RAPGEF2: variants seen among roughly 807,000 people sequenced by gnomAD.
The protein encoded by RAPGEF2 is PDZ domain containing guanine nucleotide exchange factor (GEF) 1.
RAPGEF2 carries 54 observed loss-of-function variants against 186.7 expected under a neutral mutation model. The observed-to-expected ratio is 0.29, with a 90% CI of 0.23 to 0.36. RAPGEF2 has a LOEUF of 0.36. Among genes scored for constraint, RAPGEF2 ranks in the 10% least tolerant of loss-of-function variants. RAPGEF2 has a pLI of 1.00. For missense variants in RAPGEF2, 1,532 were observed against 2,045.0 expected (o/e 0.75, Z 4.84); for synonymous variants, 712 against 705.9 (o/e 1.01, Z -0.14).
intron 7 of RAPGEF2, among the ~76,000 whole-genome samples, chr4:159,293,110 TTA>T (rs1212726525): frequency 1.3e-5 from 2 of 152,326 alleles, no homozygotes; most frequent in Non-Finnish European, 2.9e-5. Context: ...ATTTGTGTGC[TTA>T]TATATTTTGT....
In RAPGEF2 at chr4:159,343,282, A is replaced by G. The variant is rs1251854057; in HGVS notation, c.3132A>G (p.Gly1044=). The G allele has an allele frequency of 1.2e-6, 2 of 1,614,072 alleles. No homozygotes were observed. Among genetic ancestry groups the G allele is most frequent in the East Asian group, 2.2e-5 (1 of 44,880 alleles). Residue 1044 remains glycine, a splice_region_variant and synonymous_variant, in exon 22 of 30, where the codon GGA becomes GGG. Transcript: ENST00000691494. ...CTTTTCCTCCTCTGTCAATTTCAGG[A>G]AATGACTCAAAAGTAGACGGGCTGG... ...IKKDLTFLHE[G]NDSKVDGLVN...
In RAPGEF2 at chr4:159,131,521, T is replaced by TGGTTTTTTTTTTTTTTTTTTTTTTTTTTG. The variant is rs1553997068; in HGVS notation, c.69+27290_69+27291insGGTTTTTTTTTTTTTTTTTTTTTTTTTTG. 3.6e-5 allele frequency among the ~76,000 whole-genome samples: 3 copies of TGGTTTTTTTTTTTTTTTTTTTTTTTTTTG among 84,134 alleles called. 1 individual carries two copies. Among genetic ancestry groups the TGGTTTTTTTTTTTTTTTTTTTTTTTTTTG allele is most frequent in the African/African-American group, 2.2e-4 (3 of 13,366 alleles). 55.2% of individuals were successfully genotyped at this position (84,134 alleles called of 152,430 possible). ...ATATCTTTGTCTGATTAATTGCTAT[T>TGGTTTTTTTTTTTTTTTTTTTTTTTTTTG]TTTTTTTTTTTTTTTTTTTTTTTTT... is the stretch of plus-strand genomic sequence containing the variant. On this transcript the variant is annotated intron_variant, in intron 1 of 29. Transcript: ENST00000691494.
intron 7 of RAPGEF2, among the ~76,000 whole-genome samples, chr4:159,250,788 T>C (rs1554017905): frequency 6.6e-6 from 1 of 151,666 alleles, no homozygotes; most frequent in Non-Finnish European, 1.5e-5. Context: ...CCTCGCTTGC[T>C]CTCGGCGCCT....
At chr4:159,221,449 C>T (rs1021910485) in intron 4 of RAPGEF2, among the ~76,000 whole-genome samples, 2 of 152,180 alleles carry the variant, frequency 1.3e-5, no homozygotes, top group Middle Eastern at 3.2e-3. Flanking sequence ...CTATTTGTAT[C>T]TCATTGTACA....
intron 4 of RAPGEF2, chr4:159,229,346 A>T (rs1314127557): frequency 6.6e-6 from 1 of 152,234 alleles, no homozygotes; most frequent in African/African-American, 2.4e-5. Flanking sequence ...GATTAGGGAC[A>T]CTGATAGAAG....
intron 7 of RAPGEF2, chr4:159,268,013 G>A (rs1757635998): frequency 3.5e-6 from 5 of 1,442,604 alleles, no homozygotes; most frequent in Non-Finnish European, 4.5e-6. Context: ...TACCAGTAGT[G>A]ACACTTTAAG....
intron 1 of RAPGEF2, among the ~76,000 whole-genome samples, chr4:159,183,902 C>G (rs900215831): frequency 6.6e-6 from 1 of 152,158 alleles, no homozygotes; most frequent in Non-Finnish European, 1.5e-5. Context: ...TCCTCTCACC[C>G]CATGACAGGC....
chr4:159,336,786 TAA>T (rs756062980), intron 17 of RAPGEF2, among the ~76,000 whole-genome samples: 1 of 152,174 alleles, frequency 6.6e-6, no homozygotes, highest in Non-Finnish European at 1.5e-5. Flanking sequence ...GCATAGTCAT[TAA>T]AAATAGTAGT....
chr4:159,273,682 CTTTCTTTCTTTCTTT>C (rs1561189043), intron 7 of RAPGEF2, among the ~76,000 whole-genome samples: 1 of 144,864 alleles, frequency 6.9e-6, no homozygotes, highest in East Asian at 2.0e-4. Flanking sequence ...TTCTTTCTTT[CTTTCTTTCTTTCTTT>C]CTTTCTCAAT....
At chr4:159,151,023 C>CT (rs1579313674) in intron 1 of RAPGEF2, among the ~76,000 whole-genome samples, 1 of 152,198 alleles carries the variant, frequency 6.6e-6, no homozygotes, top group Admixed American at 6.5e-5. Context: ...TAGGGCTTGG[C>CT]TATAGAAATT....
intron 1 of RAPGEF2, among the ~76,000 whole-genome samples, chr4:159,177,586 C>T (rs1269923637): frequency 3.3e-5 from 5 of 152,192 alleles, no homozygotes; most frequent in Admixed American, 6.5e-5. Context: ...TATTACATCT[C>T]TCTCCTTCTT....
At chr4:159,226,690 A>G (rs192159403) in intron 4 of RAPGEF2, among the ~76,000 whole-genome samples, 2 of 152,306 alleles carry the variant, frequency 1.3e-5, no homozygotes, top group Non-Finnish European at 1.5e-5. Context: ...GATCATACAC[A>G]TTCTTCATTG....
chr4:159,239,905 C>T (rs77226404), intron 5 of RAPGEF2, among the ~76,000 whole-genome samples: 2,545 of 152,000 alleles, frequency 0.017, 92 homozygotes, highest in African/African-American at 0.058. Context: ...AGGGTTTTTC[C>T]CTATGATGTA....
At chr4:159,223,903 C>CT (rs759609353) in intron 4 of RAPGEF2, among the ~76,000 whole-genome samples, 393 of 145,840 alleles carry the variant, frequency 2.7e-3, no homozygotes, top group Middle Eastern at 7.1e-3. Flanking sequence ...TTTAAGTGAA[C>CT]TTTTTTTTTT....
At chr4:159,116,028 C>G (rs1005518560) in intron 1 of RAPGEF2, among the ~76,000 whole-genome samples, 3 of 152,008 alleles carry the variant, frequency 2.0e-5, no homozygotes, top group Non-Finnish European at 4.4e-5. Context: ...TAGGCACGGG[C>G]AAAGATTTTA....
chr4:159,174,437 G>A (rs940042803), intron 1 of RAPGEF2, among the ~76,000 whole-genome samples: 1 of 152,100 alleles, frequency 6.6e-6, no homozygotes, highest in Non-Finnish European at 1.5e-5. Flanking sequence ...ACTGCTCTGG[G>A]GCTCCCTGAC....
intron 1 of RAPGEF2, among the ~76,000 whole-genome samples, chr4:159,150,761 A>T (rs1743452471): frequency 6.6e-6 from 1 of 152,238 alleles, no homozygotes; most frequent in Non-Finnish European, 1.5e-5. Flanking sequence ...TTTAGCAAGT[A>T]GGCAAATTCA....
intron 1 of RAPGEF2, among the ~76,000 whole-genome samples, chr4:159,108,916 G>A (rs1579203960): frequency 1.3e-5 from 2 of 151,934 alleles, no homozygotes; most frequent in East Asian, 1.9e-4. Context: ...TGAGGGTCTC[G>A]CTTTGTTGCC....
chr4:159,314,209 C>G (rs1314420898), intron 8 of RAPGEF2, among the ~76,000 whole-genome samples: 1 of 152,182 alleles, frequency 6.6e-6, no homozygotes, highest in African/African-American at 2.4e-5. Context: ...TTAATAAATT[C>G]ACACCTATTC....
Sources: allele counts gnomAD v4.1 joint callset (sites outside exome capture counted in the v4.1 genomes callset), GRCh38; gene constraint gnomAD v4.1.1; transcripts MANE v1.5; gene names NCBI Gene and HGNC (gene_info 2026-07-23, HGNC 2026-07-21).